Variants in PRKG1 observed in about 807,000 individuals in gnomAD.
PRKG1 encodes protein kinase cGMP-dependent 1.
In PRKG1, 35 loss-of-function variants were observed where a neutral mutation model predicts 88.1. The ratio of observed to expected loss-of-function variants is 0.40; its 90% CI spans 0.30 to 0.53. The LOEUF (loss-of-function observed/expected upper bound fraction) is 0.53. Among genes scored for constraint, PRKG1 ranks in the 20% least tolerant of loss-of-function variants. The probability of loss-of-function intolerance (pLI) is 0.59; values close to 1 mark genes in which losing one functional copy is unlikely to be tolerated. For synonymous variants in PRKG1, 303 were observed against 292.5 expected (o/e 1.04, Z -0.37); for missense variants, 540 against 839.8 (o/e 0.64, Z 4.41).
chr10:51,597,950 G>T (rs942471616), intron 3 of PRKG1, among the ~76,000 whole-genome samples: 4 of 152,042 alleles, frequency 2.6e-5, no homozygotes. Flanking sequence ...AGATAAAGTT[G>T]ATTTTAAAAA....
intron 2 of PRKG1, among the ~76,000 whole-genome samples, chr10:51,205,249 C>T (rs1413022649): frequency 1.4e-5 from 2 of 146,110 alleles, no homozygotes; most frequent in Admixed American, 7.1e-5. Flanking sequence ...AAGCAATTCT[C>T]CTGCCTCAGC....
intron 4 of PRKG1, among the ~76,000 whole-genome samples, chr10:51,807,938 G>A (rs913109267): frequency 1.3e-5 from 2 of 152,076 alleles, no homozygotes; most frequent in Admixed American, 1.3e-4. Context: ...GGTGTTCTGA[G>A]GCCTTCCCTT....
In PRKG1 at chr10:52,293,976, AAG is replaced by A. The variant is rs559414787; in HGVS notation, c.*82_*83del. The A allele has an allele frequency of 7.9e-7, 1 of 1,265,722 alleles. No individual in the cohort carries two copies. Among genetic ancestry groups the A allele is most frequent in the South Asian group, 1.3e-5 (1 of 79,224 alleles). The allele number at this position is 1,265,722 out of a possible 1,614,324, so 78.4% of individuals were successfully genotyped here. ...CACAGCTGCCAGCAAACCTGAGGGAAAGAGAGAAGATTAGTGCTCGGGGTCAC... is the reference window on the plus strand; with the variant it reads ...CACAGCTGCCAGCAAACCTGAGGGAAAGAGAAGATTAGTGCTCGGGGTCAC... On this transcript the variant is annotated 3_prime_UTR_variant, in exon 18 of 18. Coordinates refer to ENST00000373980, the MANE Select transcript of PRKG1 (RefSeq NM_006258.4).
At chr10:52,075,145 A>T (rs1365159261) in intron 7 of PRKG1, among the ~76,000 whole-genome samples, 1 of 152,222 alleles carries the variant, frequency 6.6e-6, no homozygotes, top group African/African-American at 2.4e-5. Flanking sequence ...AGCAACAAAC[A>T]ATTAGAAATT....
At chr10:52,008,205 A>G (rs1226245175) in intron 5 of PRKG1, among the ~76,000 whole-genome samples, 2 of 152,184 alleles carry the variant, frequency 1.3e-5, no homozygotes, top group African/African-American at 2.4e-5. Context: ...ACCTAACATT[A>G]CTAGCAGAAG....
At chr10:51,632,297 C>T (rs540057681) in intron 3 of PRKG1, among the ~76,000 whole-genome samples, 1 of 152,216 alleles carries the variant, frequency 6.6e-6, no homozygotes, top group Non-Finnish European at 1.5e-5. Flanking sequence ...AAAGAATATA[C>T]TGTACAGGTT....
In PRKG1 at chr10:51,308,950, G is replaced by C. The variant is rs573841153; in HGVS notation, c.478+155620G>C. ...CGGTATGATGAGGCTTGTTCTGGGAGTGTAGAGAAAGCTGGAAAGTGGGAC... is the reference window on the plus strand; with the variant it reads ...CGGTATGATGAGGCTTGTTCTGGGACTGTAGAGAAAGCTGGAAAGTGGGAC... On this transcript the variant is annotated intron_variant, in intron 2 of 17. Transcript: ENST00000373980. Among the ~76,000 whole-genome samples, 8 of 152,224 alleles carry C rather than the reference G, an allele frequency of 5.3e-5. No homozygotes were observed. In the South Asian group the frequency reaches 8.3e-4, roughly 16 times the overall value.
intron 1 of PRKG1, among the ~76,000 whole-genome samples, chr10:51,128,194 G>A (rs1299491089): frequency 9.5e-6 from 1 of 105,364 alleles, no homozygotes; most frequent in African/African-American, 3.2e-5. Context: ...GAAATGAGAG[G>A]TTTTTGTGAT....
rs541819703 is a variant in PRKG1 at position 51,347,913 on chromosome 10, AT to A, written c.479-119808del. On this transcript the variant is annotated intron_variant, in intron 2 of 17. Transcript: ENST00000373980. ...CTTCTCTACTAAAAATACAAAAAAAATTAGCCGGGCATGGTGGCGGGTGCCT... is the reference window on the plus strand; with the variant it reads ...CTTCTCTACTAAAAATACAAAAAAAATAGCCGGGCATGGTGGCGGGTGCCT... 3.3e-4 allele frequency among the ~76,000 whole-genome samples: 49 copies of A among 146,968 alleles called. 1 individual carries two copies. In the South Asian group the frequency reaches 0.01, roughly 31 times the overall value.
chr10:52,155,616 T>G (rs550868426), intron 8 of PRKG1, among the ~76,000 whole-genome samples: 1 of 151,614 alleles, frequency 6.6e-6, no homozygotes, highest in South Asian at 2.1e-4. Context: ...TGAAAAAAAA[T>G]CAAGGAGGAT....
At chr10:51,531,384 G>A (rs2132093624) in intron 3 of PRKG1, among the ~76,000 whole-genome samples, 1 of 152,126 alleles carries the variant, frequency 6.6e-6, no homozygotes, top group East Asian at 1.9e-4. Flanking sequence ...AACATAATAG[G>A]TACATAATAC....
At chr10:51,932,628 G>A (rs984747713) in intron 5 of PRKG1, among the ~76,000 whole-genome samples, 2 of 152,130 alleles carry the variant, frequency 1.3e-5, no homozygotes, top group East Asian at 1.9e-4. Context: ...GTGGGGTTTC[G>A]TTGTGCCTCT....
intron 2 of PRKG1, among the ~76,000 whole-genome samples, chr10:51,164,288 G>A (rs981966473): frequency 2.0e-5 from 3 of 152,150 alleles, no homozygotes; most frequent in Non-Finnish European, 4.4e-5. Flanking sequence ...AGGCAAACAG[G>A]GTCTGGAGTG....
intron 2 of PRKG1, among the ~76,000 whole-genome samples, chr10:51,205,009 A>T (rs1838010217): frequency 1.3e-5 from 2 of 151,660 alleles, no homozygotes; most frequent in African/African-American, 4.8e-5. Flanking sequence ...TGCCTTTCCT[A>T]CATTATACAT....
chr10:51,065,155 G>C (rs938372778), intron 1 of PRKG1, among the ~76,000 whole-genome samples: 1 of 152,060 alleles, frequency 6.6e-6, no homozygotes, highest in African/African-American at 2.4e-5. Context: ...AGAAGCACTA[G>C]TAAAGAAGGC....
intron 9 of PRKG1, among the ~76,000 whole-genome samples, chr10:52,182,805 G>A (rs190875774): frequency 1.3e-5 from 2 of 151,056 alleles, no homozygotes; most frequent in South Asian, 4.2e-4. Flanking sequence ...TCTCTGTTTT[G>A]GTACCAGTAC....
At chr10:51,666,068 A>G (rs2132339204) in intron 3 of PRKG1, among the ~76,000 whole-genome samples, 1 of 152,314 alleles carries the variant, frequency 6.6e-6, no homozygotes. Context: ...AGAGAAATTA[A>G]TGGAAATCAA....
At chr10:51,194,957 T>C (rs1304865043) in intron 2 of PRKG1, among the ~76,000 whole-genome samples, 1 of 152,182 alleles carries the variant, frequency 6.6e-6, no homozygotes, top group Non-Finnish European at 1.5e-5. Context: ...CATGGCCTAA[T>C]AACCTCTTAA....
At chr10:51,663,172 A>C (rs1840340694) in intron 3 of PRKG1, among the ~76,000 whole-genome samples, 1 of 152,104 alleles carries the variant, frequency 6.6e-6, no homozygotes, top group South Asian at 2.1e-4. Context: ...AAAAGAGATT[A>C]TGGGGCCAGA....
Sources: gnomAD v4.1 joint callset for allele counts (sites outside exome capture counted in the v4.1 genomes callset) on GRCh38, gnomAD v4.1.1 for gene constraint, MANE v1.5 for transcripts, NCBI Gene and HGNC (gene_info 2026-07-23, HGNC 2026-07-21) for gene names.